NAGPA: variants seen among roughly 807,000 people sequenced by gnomAD.
NAGPA encodes alpha-N-acetylglucosaminyl phosphodiesterase.
NAGPA carries 56 observed loss-of-function variants against 48.5 expected under a neutral mutation model. That is an observed-to-expected ratio of 1.15 (90% confidence interval 0.93 to 1.44). The LOEUF is 1.44. Ranked by LOEUF, NAGPA falls within the 40% of genes most tolerant of loss-of-function variation. The pLI is 0.00. For synonymous variants in NAGPA, 399 were observed against 315.5 expected, an observed-to-expected ratio of 1.26 and a Z score of -2.81; for missense variants, 888 against 735.0, an observed-to-expected ratio of 1.21 and a Z score of -2.41.
In NAGPA at chr16:5,029,376, A is replaced by G. The variant is rs570307725; in HGVS notation, c.792-368T>C. 3.9e-3 allele frequency: 1,365 copies of G among 346,242 alleles called. 6 individuals carry two copies. Among genetic ancestry groups the G allele is most frequent in the Non-Finnish European group, 6.0e-3 (1,075 of 177,890 alleles). 21.4% of individuals were successfully genotyped at this position (346,242 alleles called of 1,614,324 possible). On this transcript the variant is annotated intron_variant, in intron 4 of 9. Coordinates refer to ENST00000312251, the MANE Select transcript of NAGPA (RefSeq NM_016256.4). ...TGGCCGGACAACTGGGGGAGAGGACACACATGGGAAGGAACCTGGGCAGCT... is the reference window on the plus strand; with the variant it reads ...TGGCCGGACAACTGGGGGAGAGGACGCACATGGGAAGGAACCTGGGCAGCT...
Position 5,033,924 on chromosome 16 carries a change from G to T in NAGPA, c.-10C>A. 6.5e-7 allele frequency: 1 copy of T among 1,548,710 alleles called. No homozygotes were observed. Among genetic ancestry groups the T allele is most frequent in the South Asian group, 1.2e-5 (1 of 83,978 alleles). ...CCGTGGAGGTCGCCATATTGGACCG[G>T]GGCCTCGGGTCATGTGGGCTCGCCT... On this transcript the variant is annotated 5_prime_UTR_variant, in exon 1 of 10. Coordinates refer to ENST00000312251, the MANE Select transcript of NAGPA (RefSeq NM_016256.4). This position sits in a 1 kb window ranked among gnomAD's most constrained non-coding sequence, Gnocchi z 4.2.
intron 2 of NAGPA, 52 bp from the exon 3 acceptor site, chr16:5,031,936 TAGTC>T (rs760949020): frequency 6.0e-5 from 96 of 1,612,604 alleles, no homozygotes; most frequent in Non-Finnish European, 7.9e-5. Context: ...CAACTGCAGA[TAGTC>T]AGGCTCTTTC....
chr16:5,026,046 G>C (rs1340283835), intron 9 of NAGPA, among the ~76,000 whole-genome samples: 1 of 150,838 alleles, frequency 6.6e-6, no homozygotes, highest in Non-Finnish European at 1.5e-5. Context: ...CCCCTGCCTT[G>C]GACTCCCGAG....
intron 4 of NAGPA, 30 bp downstream of exon 4, chr16:5,030,355 G>A (rs575966326): frequency 1.6e-5 from 24 of 1,542,874 alleles, no homozygotes; most frequent in African/African-American, 4.1e-5. Context: ...ACTGAGCCCC[G>A]GCCGGGGGGC....
intron 4 of NAGPA, chr16:5,030,000 C>G (rs7205448): frequency 0.016 from 5,582 of 346,388 alleles, 276 homozygotes; most frequent in African/African-American, 0.11. Flanking sequence ...CAGAGCAAAC[C>G]AAAACACTCT....
At position 5,028,158 on chromosome 16, in the gene NAGPA, G is replaced by A; in HGVS notation, c.948C>T (p.Arg316=). The change falls in exon 6 of 10, where the codon CGC becomes CGT. Residue 316 remains arginine (R), a synonymous_variant. Coordinates refer to ENST00000312251, the MANE Select transcript of NAGPA (RefSeq NM_016256.4). Reference sequence around the variant, plus strand: ...GCACACACACCACGGTGGACACTTGGCGGGGACAGCGCCACATGTTGTCCT... The same window carrying A: ...GCACACACACCACGGTGGACACTTGACGGGGACAGCGCCACATGTTGTCCT... ...HCQDNMWRCP[R]QVSTVVCVHE... 2 of 1,574,688 alleles carry A rather than the reference G, an allele frequency of 1.3e-6. No homozygotes were observed. The highest frequency in any genetic ancestry group is 1.7e-6 in the Non-Finnish European group (2 of 1,159,782).
chr16:5,031,274 T>A, intron 3 of NAGPA: 1 of 243,892 alleles, frequency 4.1e-6, no homozygotes, highest in Non-Finnish European at 8.1e-6. Context: ...CCTGTCCCCA[T>A]CCCAGTATTC....
At chr16:5,031,452 T>A (rs550008444) in intron 3 of NAGPA, 99 of 402,948 alleles carry the variant, frequency 2.5e-4, no homozygotes, top group South Asian at 2.1e-3. Context: ...GATTTTTTTC[T>A]CTTCACTTTT....
chr16:5,027,463 T>C (rs1956023152), intron 7 of NAGPA, 84 bp from the exon 8 acceptor site: 1 of 1,384,338 alleles, frequency 7.2e-7, no homozygotes, highest in Non-Finnish European at 1.0e-6. Context: ...CAGGACAGGA[T>C]ACCTGCCCCT....
Position 5,027,846 on chromosome 16 carries a change from C to A in NAGPA, c.1174G>T (p.Glu392Ter). The A allele has an allele frequency of 6.4e-7, 1 of 1,559,110 alleles. No homozygotes were observed. Among genetic ancestry groups the A allele is most frequent in the Non-Finnish European group, 8.7e-7 (1 of 1,151,414 alleles). Residue 392 changes from glutamate (E) to a stop codon, truncating the protein, a stop_gained and splice_region_variant, in exon 7 of 10, where the codon GAG (glutamate) becomes TAG (stop). Transcript: ENST00000312251. LOFTEE classifies it high-confidence loss of function. ...CCGCTAGTGGCGTGGCAGCTCCTACCTTCACTGCAGTTGGACCCGGTCCAT... is the reference window on the plus strand; with the variant it reads ...CCGCTAGTGGCGTGGCAGCTCCTACATTCACTGCAGTTGGACCCGGTCCAT... ...AGWTGSNCSEECPLGWHGPGC... is the reference protein window; with the variant it reads ...AGWTGSNCSE
intron 4 of NAGPA, 183 bp from the exon 5 acceptor site, chr16:5,029,191 C>T: frequency 1.0e-6 from 1 of 976,198 alleles, no homozygotes; most frequent in Non-Finnish European, 1.5e-6. Flanking sequence ...CACACCCATG[C>T]CTGTGCTGTT....
intron 9 of NAGPA, among the ~76,000 whole-genome samples, chr16:5,026,549 A>G (rs1956004819): frequency 6.6e-6 from 1 of 152,090 alleles, no homozygotes; most frequent in Admixed American, 6.5e-5. Context: ...AAAAAGTTTA[A>G]AAAAATGTGA....
chr16:5,025,641 A>G lies in NAGPA; in HGVS notation c.1385T>C (p.Leu462Pro), dbSNP rs1270040157. ...ALTLALAFLL[L>P]ISTAANLSLL... Reference sequence around the variant, plus strand: ...GGACAGGTTTGCTGCAGTGCTGATCAGCAGGAGGAAGGCCAGCGCCAGGGT... The same window carrying G: ...GGACAGGTTTGCTGCAGTGCTGATCGGCAGGAGGAAGGCCAGCGCCAGGGT... The change falls in exon 10 of 10, where the codon CTG (leucine) becomes CCG (proline). Residue 462 changes from leucine (L) to proline (P), a missense_variant. Physicochemically the swap from Leu to Pro is moderately conservative, Grantham distance 98. Transcript: ENST00000312251. 6.2e-7 allele frequency: 1 copy of G among 1,613,654 alleles called. No homozygotes were observed. Among genetic ancestry groups the G allele is most frequent in the Non-Finnish European group, 8.5e-7 (1 of 1,179,924 alleles).
intron 7 of NAGPA, 62 bp downstream of exon 7, chr16:5,027,784 G>A: frequency 1.3e-6 from 2 of 1,545,312 alleles, no homozygotes; most frequent in Non-Finnish European, 1.7e-6. Flanking sequence ...AGCAGCAGAG[G>A]AGCAGTGGGG....
chr16:5,030,568 TG>T (rs1287995178), intron 3 of NAGPA, 75 bp from the exon 4 acceptor site: 1 of 1,198,078 alleles, frequency 8.3e-7, no homozygotes, highest in East Asian at 2.5e-5. Flanking sequence ...CACTTCCCAC[TG>T]GTCTGAGCTA....
Position 5,027,862 on chromosome 16 carries a change from C to T in NAGPA, c.1158G>A (p.Gly386=), listed in dbSNP as rs1362158285. 11 of 1,568,028 alleles carry T rather than the reference C, an allele frequency of 7.0e-6. No individual in the cohort carries two copies. The highest frequency in any genetic ancestry group is 1.9e-5 in the Admixed American group (1 of 52,920). ...TGCRCDAGWT[G]SNCSEECPLG... ...AGCTCCTACCTTCACTGCAGTTGGA[C>T]CCGGTCCATCCGGCATCACAGCGGC... is the stretch of plus-strand genomic sequence containing the variant. Residue 386 remains glycine (G), a synonymous_variant, in exon 7 of 10, where the codon GGG becomes GGA. Coordinates refer to ENST00000312251, the MANE Select transcript of NAGPA (RefSeq NM_016256.4).
chr16:5,025,738 T>C, intron 9 of NAGPA, 53 bp from the exon 10 acceptor site: 7 of 1,542,234 alleles, frequency 4.5e-6, no homozygotes, highest in Non-Finnish European at 6.1e-6. Context: ...GGCTCAGGGC[T>C]TGGGTAGCAC....
intron 4 of NAGPA, 77 bp downstream of exon 4, chr16:5,030,308 G>C: frequency 7.5e-7 from 1 of 1,325,518 alleles, no homozygotes; most frequent in Non-Finnish European, 1.1e-6. Flanking sequence ...TAGAGTCAGA[G>C]GGTGGCTGTC....
At position 5,033,918 on chromosome 16, in the gene NAGPA, G is replaced by A. The variant is rs761884046; in HGVS notation, c.-4C>T. The A allele has an allele frequency of 1.3e-6, 2 of 1,548,964 alleles. No homozygotes were observed. The highest frequency in any genetic ancestry group is 1.2e-5 in the South Asian group (1 of 83,968). ...AGCGACCCGTGGAGGTCGCCATATT[G>A]GACCGGGGCCTCGGGTCATGTGGGC... On this transcript the variant is annotated 5_prime_UTR_variant, in exon 1 of 10. Coordinates refer to ENST00000312251, the MANE Select transcript of NAGPA (RefSeq NM_016256.4). The surrounding 1 kb of genome is among the most constrained non-coding windows in gnomAD (Gnocchi z 4.2).
Sources: allele counts gnomAD v4.1 joint callset (sites outside exome capture counted in the v4.1 genomes callset), GRCh38; gene constraint gnomAD v4.1.1; non-coding constraint Gnocchi (gnomAD v3.1); transcripts MANE v1.5; gene names NCBI Gene and HGNC (gene_info 2026-07-23, HGNC 2026-07-21).